Variants in USP6 observed in about 807,000 individuals in gnomAD.
USP6 encodes the protein ubiquitin specific peptidase 6.
In USP6, 128 loss-of-function variants were observed where a neutral mutation model predicts 175.7. The ratio of observed to expected loss-of-function variants is 0.73; its 90% CI spans 0.63 to 0.84. The LOEUF is 0.84. Among genes scored for constraint, USP6 ranks in the 40% least tolerant of loss-of-function variants. The pLI, the probability that USP6 is intolerant of heterozygous loss-of-function variation, is 0.00. For missense variants in USP6, 1,498 were observed against 1,760.3 expected, an observed-to-expected ratio of 0.85 and a Z score of 2.67; for synonymous variants, 562 against 630.6, an observed-to-expected ratio of 0.89 and a Z score of 1.63.
At chr17:5,163,859 T>C (rs2074051641) in intron 33 of USP6, among the ~76,000 whole-genome samples, 1 of 152,202 alleles carries the variant, frequency 6.6e-6, no homozygotes, top group South Asian at 2.1e-4. Context: ...TTTGGGTACC[T>C]AAGAGCACAT....
intron 30 of USP6, among the ~76,000 whole-genome samples, chr17:5,151,240 A>G (rs1255269965): frequency 6.6e-6 from 1 of 152,216 alleles, no homozygotes; most frequent in Non-Finnish European, 1.5e-5. Context: ...GTACCTAGGA[A>G]TAAACTTTAA....
At chr17:5,124,348 C>G (rs779742892) in intron 4 of USP6, among the ~76,000 whole-genome samples, 2 of 152,162 alleles carry the variant, frequency 1.3e-5, no homozygotes, top group African/African-American at 4.8e-5. Flanking sequence ...AATCGGGTCA[C>G]TAAACAAATC....
Position 5,170,828 on chromosome 17 carries a change from G to T in USP6, c.3867G>T (p.Gln1289His), listed in dbSNP as rs1405673418. 6.2e-7 allele frequency: 1 copy of T among 1,613,286 alleles called. No individual in the cohort carries two copies. Among genetic ancestry groups the T allele is most frequent in the Non-Finnish European group, 8.5e-7 (1 of 1,179,880 alleles). Residue 1289 changes from glutamine to histidine, a missense_variant, in exon 36 of 38, where the codon CAG becomes CAT. Physicochemically the swap from Gln to His is conservative, Grantham distance 24. Coordinates refer to ENST00000574788, the MANE Select transcript of USP6 (RefSeq NM_001304284.2). ...GTGGCGATGGCTACAGCAATGGTCA[G>T]CTTGGAAACCACAGTGAAGAAGACA... is the stretch of plus-strand genomic sequence containing the variant. ...NGCGDGYSNG[Q>H]LGNHSEEDST...
At chr17:5,128,852 A>G (rs2072973870) in intron 7 of USP6, 100 bp from the exon 8 acceptor site, 1 of 152,638 alleles carries the variant, frequency 6.6e-6, no homozygotes, top group Admixed American at 6.5e-5. Context: ...GGTATTCACA[A>G]GCGGTTTTGT....
intron 4 of USP6, chr17:5,123,035 G>C (rs2072747300): frequency 6.5e-6 from 1 of 153,442 alleles, no homozygotes; most frequent in South Asian, 1.8e-4. Context: ...CTTGGTGGGC[G>C]GCTGCGCAGG....
intron 4 of USP6, among the ~76,000 whole-genome samples, chr17:5,123,302 G>T (rs1006844250): frequency 7.2e-5 from 11 of 151,936 alleles, no homozygotes; most frequent in Non-Finnish European, 1.2e-4. Flanking sequence ...CACCGCCGGT[G>T]GGGGGGTGGT....
intron 31 of USP6, among the ~76,000 whole-genome samples, chr17:5,156,275 T>G (rs1387845422): frequency 1.3e-5 from 2 of 152,180 alleles, no homozygotes; most frequent in Non-Finnish European, 2.9e-5. Flanking sequence ...TATTTTTATC[T>G]CAATCAAATT....
chr17:5,130,568 T>G (rs748493238), intron 10 of USP6, 34 bp from the exon 11 acceptor site: 1 of 1,612,890 alleles, frequency 6.2e-7, no homozygotes, highest in East Asian at 2.2e-5. Context: ...CCCTTTACCT[T>G]GGACCCCTCA....
At position 5,130,421 on chromosome 17, in the gene USP6, A is replaced by G. The variant is rs1448682202; in HGVS notation, c.54A>G (p.Ile18Met). The G allele has an allele frequency of 6.2e-7, 1 of 1,614,142 alleles. No individual in the cohort carries two copies. Among genetic ancestry groups the G allele is most frequent in the Admixed American group, 1.7e-5 (1 of 60,020 alleles). The change falls in exon 10 of 38, where the codon ATA (isoleucine) becomes ATG (methionine). Residue 18 changes from isoleucine (I) to methionine (M), a missense_variant. By Grantham distance (10) the Ile-to-Met change is conservative. Coordinates refer to ENST00000574788, the MANE Select transcript of USP6 (RefSeq NM_001304284.2). ...DSLQAQERKD[I>M]LMKYDKGHRA... ...TGCAGGCACAGGAGCGGAAGGACAT[A>G]CTTATGAAGTATGACAAGGTACAGT...
Position 5,174,511 on chromosome 17 carries a change from G to T in USP6, c.*1533G>T, listed in dbSNP as rs1340292520. ...AATCCTTTTCAGAAAAAATATAATT[G>T]CAAGTAGGTAGGAGTGGCCTAAATT... On this transcript the variant is annotated 3_prime_UTR_variant, in exon 38 of 38. Transcript: ENST00000574788. 1 of 192,046 alleles carries T rather than the reference G, an allele frequency of 5.2e-6. No homozygotes were observed. Among genetic ancestry groups the T allele is most frequent in the Non-Finnish European group, 1.1e-5 (1 of 91,586 alleles). The allele number at this position is 192,046 out of a possible 1,614,324, so 11.9% of individuals were successfully genotyped here.
chr17:5,134,201 C>G, intron 15 of USP6: 1 of 593,010 alleles, frequency 1.7e-6, no homozygotes, highest in East Asian at 2.9e-5. Context: ...GGGGCCAGAA[C>G]CCAGGAGGAT....
At chr17:5,171,079 T>C (rs1255568154) in intron 36 of USP6, among the ~76,000 whole-genome samples, 164 bp downstream of exon 36, 1 of 152,180 alleles carries the variant, frequency 6.6e-6, no homozygotes, top group African/African-American at 2.4e-5. Context: ...TGTGGTGTGG[T>C]GGCTCACACC....
intron 21 of USP6, chr17:5,139,051 C>A (rs11870506): frequency 0.22 from 350,449 of 1,583,766 alleles, 50,629 homozygotes; most frequent in East Asian, 0.59. Context: ...AGGAGCCACC[C>A]ACCATGCCCC....
intron 30 of USP6, among the ~76,000 whole-genome samples, chr17:5,151,430 C>CGT (rs1567801858): frequency 1.3e-4 from 13 of 96,870 alleles, no homozygotes; most frequent in African/African-American, 5.8e-4. Context: ...GCAAAGTCTG[C>CGT]ATGTGTGTGT....
chr17:5,154,210 A>G (rs1567803949), intron 30 of USP6, among the ~76,000 whole-genome samples: 1 of 152,228 alleles, frequency 6.6e-6, no homozygotes, highest in Non-Finnish European at 1.5e-5. Context: ...AAAATGGCAA[A>G]ATAAAATGCT....
chr17:5,158,580 GGAGAGAGAGA>G (rs772325537), intron 31 of USP6, among the ~76,000 whole-genome samples: 33 of 104,168 alleles, frequency 3.2e-4, no homozygotes, highest in South Asian at 1.0e-3. Flanking sequence ...AGAGAGAGAG[GGAGAGAGAGA>G]GAGAGAGAGA....
At position 5,171,693 on chromosome 17, in the gene USP6, A is replaced by G. The variant is rs768027947; in HGVS notation, c.4047+14A>G. 3.1e-6 allele frequency: 5 copies of G among 1,611,786 alleles called. No individual in the cohort carries two copies. The highest frequency in any genetic ancestry group is 4.2e-6 in the Non-Finnish European group (5 of 1,178,496). On this transcript the variant is annotated intron_variant, in intron 37 of 37. Transcript: ENST00000574788. Reference sequence around the variant, plus strand: ...AGCAGCTGTGAGGTAAACATTCTCAATCTTTGAATGAAAGTTAGAATATCA... The same window carrying G: ...AGCAGCTGTGAGGTAAACATTCTCAGTCTTTGAATGAAAGTTAGAATATCA...
At chr17:5,147,265 T>C (rs2073640017) in intron 29 of USP6, 71 bp downstream of exon 29, 2 of 1,457,352 alleles carry the variant, frequency 1.4e-6, no homozygotes, top group Non-Finnish European at 1.9e-6. Flanking sequence ...TCATCTTTTT[T>C]ATATTTGTTC....
At chr17:5,171,311 G>C (rs2074211687) in intron 36 of USP6, among the ~76,000 whole-genome samples, 1 of 152,088 alleles carries the variant, frequency 6.6e-6, no homozygotes, top group African/African-American at 2.4e-5. Context: ...CTGCACCCCA[G>C]CCTGGGTGAT....
Sources: allele counts gnomAD v4.1 joint callset (sites outside exome capture counted in the v4.1 genomes callset), GRCh38; gene constraint gnomAD v4.1.1; transcripts MANE v1.5; gene names NCBI Gene and HGNC (gene_info 2026-07-23, HGNC 2026-07-21).